Variants in GOLIM4 observed in about 807,000 individuals in gnomAD.
The protein encoded by GOLIM4 is 130 kDa golgi-localized phosphoprotein.
In GOLIM4, 71 loss-of-function variants were observed where a neutral mutation model predicts 107.4. That is an observed-to-expected ratio of 0.66 (90% CI 0.55 to 0.81). The LOEUF (loss-of-function observed/expected upper bound fraction) is 0.81. GOLIM4 is among the 30% of genes least tolerant of loss of function. The pLI, the probability that GOLIM4 is intolerant of heterozygous loss-of-function variation, is 0.00. For synonymous variants in GOLIM4, 327 were observed against 294.8 expected, an observed-to-expected ratio of 1.11 and a Z score of -1.12; for missense variants, 830 against 826.1, an observed-to-expected ratio of 1.00 and a Z score of -0.06.
At chr3:168,080,992 TCAGTTG>T (rs1290842514) in intron 1 of GOLIM4, among the ~76,000 whole-genome samples, 1 of 152,152 alleles carries the variant, frequency 6.6e-6, no homozygotes, top group Non-Finnish European at 1.5e-5. Context: ...AGCTGGAGAC[TCAGTTG>T]AGTAGTGAGC....
chr3:168,082,679 G>A (rs1228828654), intron 1 of GOLIM4, among the ~76,000 whole-genome samples: 2 of 152,130 alleles, frequency 1.3e-5, no homozygotes, highest in Non-Finnish European at 2.9e-5. Context: ...CAAAGAGAAA[G>A]TAGAGAAGAG....
rs543451257 is a variant in GOLIM4, at chr3:168,095,429, G to T, written c.-144C>A. On this transcript the variant is annotated 5_prime_UTR_variant, in exon 1 of 16. Transcript: ENST00000470487. ...CAGACACAAAAGCCGGCCCGGAGGG[G>T]AAGTGGCGCCCGCTCAGCCCCCGCG... The T allele has an allele frequency of 1.5e-4, 98 of 640,302 alleles. No homozygotes were observed. In the East Asian group the frequency reaches 3.2e-3, roughly 21 times the overall value. The allele number at this position is 640,302 out of a possible 1,614,324, so 39.7% of individuals were successfully genotyped here.
chr3:168,071,448 T>C (rs1376307368), intron 1 of GOLIM4, among the ~76,000 whole-genome samples: 1 of 151,924 alleles, frequency 6.6e-6, no homozygotes, highest in Non-Finnish European at 1.5e-5. Context: ...ACAATAAATA[T>C]AACATTAAGA....
chr3:168,094,460 G>T (rs1198606690), intron 1 of GOLIM4, among the ~76,000 whole-genome samples: 2 of 152,162 alleles, frequency 1.3e-5, no homozygotes, highest in Non-Finnish European at 2.9e-5. Context: ...ACTGCAGGAT[G>T]GTGAATGGTA....
chr3:168,021,858 C>A (rs973524171), intron 14 of GOLIM4, among the ~76,000 whole-genome samples: 1 of 152,034 alleles, frequency 6.6e-6, no homozygotes, highest in Non-Finnish European at 1.5e-5. Flanking sequence ...ATTCTGATTT[C>A]TTGGTCATTT....
At chr3:168,056,896 A>C (rs1422249330) in intron 1 of GOLIM4, among the ~76,000 whole-genome samples, 2 of 152,148 alleles carry the variant, frequency 1.3e-5, no homozygotes, top group East Asian at 3.9e-4. Context: ...TTAATGCTGA[A>C]ATGAGATAAG....
At position 168,095,183 on chromosome 3, in the gene GOLIM4, C is replaced by T; in HGVS notation, c.103G>A (p.Glu35Lys). Residue 35 changes from glutamate (E) to lysine (K), a missense_variant, in exon 1 of 16, where the codon GAG becomes AAG. Coordinates refer to ENST00000470487, the MANE Select transcript of GOLIM4 (RefSeq NM_014498.5). ...GCTTTCCGCAGCTGCGTCTGCAGCT[C>T]GTAGTAGAGCATCGCGCCGTAGAGA... is the stretch of plus-strand genomic sequence containing the variant. ...GFLYGAMLYY[E>K]LQTQLRKAEA... is the part of the protein sequence containing the mutation. 1 of 1,613,554 alleles carries T rather than the reference C, an allele frequency of 6.2e-7. No individual in the cohort carries two copies. Among genetic ancestry groups the T allele is most frequent in the South Asian group, 1.1e-5 (1 of 91,060 alleles).
At chr3:168,076,232 A>G (rs1006573415) in intron 1 of GOLIM4, among the ~76,000 whole-genome samples, 1 of 152,260 alleles carries the variant, frequency 6.6e-6, no homozygotes, top group Non-Finnish European at 1.5e-5. Context: ...AAAGAATCTA[A>G]GTGAATATGG....
intron 14 of GOLIM4, among the ~76,000 whole-genome samples, chr3:168,019,861 C>G (rs1176378633): frequency 3.9e-5 from 6 of 152,062 alleles, no homozygotes; most frequent in African/African-American, 7.2e-5. Context: ...ACAGCCTGAT[C>G]CCTTCATGGT....
At chr3:168,011,808 T>C (rs1163939745) in intron 14 of GOLIM4, among the ~76,000 whole-genome samples, 3 of 132,858 alleles carry the variant, frequency 2.3e-5, no homozygotes, top group African/African-American at 7.9e-5. Flanking sequence ...AGGCAGGGTA[T>C]TCCAACAGAC....
chr3:168,024,029 T>C (rs546740806), intron 14 of GOLIM4, among the ~76,000 whole-genome samples: 1 of 152,302 alleles, frequency 6.6e-6, no homozygotes, highest in Non-Finnish European at 1.5e-5. Context: ...TTAATTAAGA[T>C]ACTGAATTCT....
chr3:168,010,882 A>G, intron 14 of GOLIM4, 59 bp from the exon 15 acceptor site: 2 of 1,102,218 alleles, frequency 1.8e-6, no homozygotes, highest in Non-Finnish European at 2.8e-6. Flanking sequence ...TTGCGATAAT[A>G]TATTTTGACA....
intron 2 of GOLIM4, 99 bp downstream of exon 2, chr3:168,048,192 G>A (rs1719418636): frequency 2.9e-6 from 2 of 688,576 alleles, no homozygotes; most frequent in Non-Finnish European, 5.3e-6. Context: ...GGGTTGATTT[G>A]AGAACGATCT....
intron 3 of GOLIM4, 84 bp downstream of exon 3, chr3:168,046,866 C>T (rs999207599): frequency 4.7e-5 from 32 of 686,746 alleles, no homozygotes; most frequent in Middle Eastern, 2.6e-4. Context: ...TAAAAGAGTT[C>T]GCAACTGTAT....
rs957236763 is a variant in GOLIM4, at chr3:168,075,131, TA to T, written c.187+19967del. Among the ~76,000 whole-genome samples, 995 of 149,120 alleles carry T rather than the reference TA, an allele frequency of 6.7e-3. 9 individuals carry two copies. Among genetic ancestry groups the T allele is most frequent in the African/African-American group, 0.021 (845 of 40,786 alleles). On this transcript the variant is annotated intron_variant, in intron 1 of 15. Transcript: ENST00000470487. ...TGCTTAAGCAATCAACCAGTGAAGT[TA>T]AAAAAAAAATTAATAAAACAGAGAT...
At position 168,041,437 on chromosome 3, in the gene GOLIM4, T is replaced by C; in HGVS notation, c.555A>G (p.Leu185=). 4 of 1,588,950 alleles carry C rather than the reference T, an allele frequency of 2.5e-6. No homozygotes were observed. The highest frequency in any genetic ancestry group is 3.5e-6 in the Non-Finnish European group (4 of 1,158,334). ...VYNLREENRQ[L]RKAHQDIHTQ... is the part of the protein sequence containing the mutation. Reference sequence around the variant, plus strand: ...TATGTATGTCTTGGTGTGCTTTCCTTAGTTGTCTATTCTCTTCTCTCAAAT... The same window carrying C: ...TATGTATGTCTTGGTGTGCTTTCCTCAGTTGTCTATTCTCTTCTCTCAAAT... Residue 185 remains leucine (L), a synonymous_variant, in exon 6 of 16, where the codon CTA becomes CTG. Coordinates refer to ENST00000470487, the MANE Select transcript of GOLIM4 (RefSeq NM_014498.5).
rs751779685 is a variant in GOLIM4, at chr3:168,030,025, T to C, written c.1188A>G (p.Ser396=). The C allele has an allele frequency of 6.2e-7, 1 of 1,614,182 alleles. No homozygotes were observed. The highest frequency in any genetic ancestry group is 1.3e-5 in the African/African-American group (1 of 75,050). ...EGHARAEVYP[S]AKPMIKFQSP... ...ATTGGAATTTGATCATTGGCTTGGC[T>C]GAAGGGTACACCTAGGGTGAAAAAG... The change falls in exon 10 of 16, where the codon TCA becomes TCG. Residue 396 remains serine, a synonymous_variant. Coordinates refer to ENST00000470487, the MANE Select transcript of GOLIM4 (RefSeq NM_014498.5).
Position 168,095,454 on chromosome 3 carries a change from G to C in GOLIM4, c.-169C>G. On this transcript the variant is annotated 5_prime_UTR_variant, in exon 1 of 16. Coordinates refer to ENST00000470487, the MANE Select transcript of GOLIM4 (RefSeq NM_014498.5). ...GAAGTGGCGCCCGCTCAGCCCCCGC[G>C]CGGCGCGGGGCGCGCAGCCATCGAC... The C allele has an allele frequency of 1.8e-6, 1 of 566,118 alleles. No individual in the cohort carries two copies. The highest frequency in any genetic ancestry group is 2.3e-5 in the South Asian group (1 of 43,256). The allele number at this position is 566,118 out of a possible 1,614,324, so 35.1% of individuals were successfully genotyped here. A position where few individuals can be genotyped will look rare whatever the true frequency, so the allele number is the denominator to read the frequency against.
In GOLIM4 at chr3:168,032,588, G is replaced by T. The variant is rs527632713; in HGVS notation, c.1108C>A (p.Arg370=). 16 of 1,613,956 alleles carry T rather than the reference G, an allele frequency of 9.9e-6. No homozygotes were observed. In the African/African-American group the frequency reaches 1.9e-4, roughly 19 times the overall value. ...EHDPSPEEQD[R]EWKEQHEQRE... ...TGCTCATGCTGCTCTTTCCACTCCC[G>T]ATCCTGCTCCTCTGGTGATGGATCG... Residue 370 remains arginine, a synonymous_variant, in exon 9 of 16, where the codon CGG becomes AGG. Coordinates refer to ENST00000470487, the MANE Select transcript of GOLIM4 (RefSeq NM_014498.5).
Sources: allele counts gnomAD v4.1 joint callset (sites outside exome capture counted in the v4.1 genomes callset), GRCh38; gene constraint gnomAD v4.1.1; transcripts MANE v1.5; gene names NCBI Gene and HGNC (gene_info 2026-07-23, HGNC 2026-07-21).